MRTFB: variants seen among roughly 807,000 people sequenced by gnomAD.
The protein encoded by MRTFB is myocardin-related transcription factor B.
MRTFB carries 29 observed loss-of-function variants against 104.2 expected under a neutral mutation model. That is an observed-to-expected ratio of 0.28 (90% CI 0.21 to 0.38). MRTFB has a LOEUF of 0.38. Among genes scored for constraint, MRTFB ranks in the 10% least tolerant of loss-of-function variants. The pLI, the probability that MRTFB is intolerant of heterozygous loss-of-function variation, is 1.00. For synonymous variants in MRTFB, 535 were observed against 519.5 expected (o/e 1.03, Z -0.41); for missense variants, 1,270 against 1,341.6 (o/e 0.95, Z 0.83).
intron 2 of MRTFB, among the ~76,000 whole-genome samples, chr16:14,119,035 A>G (rs1345138766): frequency 6.6e-6 from 1 of 152,194 alleles, no homozygotes; most frequent in Non-Finnish European, 1.5e-5. Flanking sequence ...TGTCTCGTGC[A>G]TGTTTGACAG....
At chr16:14,200,466 C>T (rs1346718764) in intron 3 of MRTFB, 1 of 1,610,498 alleles carries the variant, frequency 6.2e-7, no homozygotes, top group East Asian at 2.2e-5. Flanking sequence ...CCAGTAGCAT[C>T]GTTTTTCCAC....
rs1194536066 is a variant in MRTFB, at chr16:14,249,040, T to C, written c.2362T>C (p.Phe788Leu). ...APTVPQTQDT[F>L]PQHVLSQPQQ... is the part of the protein sequence containing the mutation. ...AACTGTACCTCAGACACAAGACACG[T>C]TCCCGCAGCATGTGCTCAGTCAGCC... The change falls in exon 13 of 17, where the codon TTC (phenylalanine) becomes CTC (leucine). Residue 788 changes from phenylalanine (F) to leucine (L), a missense_variant. Phe to Leu is a conservative substitution (Grantham distance 22). Around this residue, in one of 3 missense-constraint regions of MRTFB, gnomAD observed 1,144 missense variants for 1,131.5 expected, o/e 1.01. Transcript: ENST00000571589. The C allele has an allele frequency of 6.2e-7, 1 of 1,614,168 alleles. No individual in the cohort carries two copies. The highest frequency in any genetic ancestry group is 8.5e-7 in the Non-Finnish European group (1 of 1,180,032).
At chr16:14,162,113 C>T (rs1188104822) in intron 3 of MRTFB, among the ~76,000 whole-genome samples, 2 of 115,046 alleles carry the variant, frequency 1.7e-5, no homozygotes, top group Non-Finnish European at 3.3e-5. Context: ...CCCAGAAGTT[C>T]AAGACCAGCC....
intron 15 of MRTFB, 74 bp downstream of exon 15, chr16:14,252,576 C>G (rs1256369984): frequency 1.1e-5 from 17 of 1,495,414 alleles, no homozygotes; most frequent in South Asian, 4.2e-5. Flanking sequence ...CAGACCTATA[C>G]AGAATCCCTT....
intron 3 of MRTFB, chr16:14,200,284 C>T (rs752864027): frequency 1.3e-6 from 2 of 1,572,640 alleles, no homozygotes; most frequent in African/African-American, 2.7e-5. Flanking sequence ...GAGCTAGATT[C>T]TGAGTTCCGA....
intron 2 of MRTFB, among the ~76,000 whole-genome samples, chr16:14,125,545 G>C (rs2037066133): frequency 6.6e-6 from 1 of 152,228 alleles, no homozygotes; most frequent in Non-Finnish European, 1.5e-5. Flanking sequence ...CTCTTCTCTA[G>C]CAAGCACCTC....
chr16:14,024,554 C>A, the MRTFB span, among the ~76,000 whole-genome samples: 2 of 152,174 alleles, frequency 1.3e-5, no homozygotes, highest in Non-Finnish European at 2.9e-5. Context: ...AGTTTCACTT[C>A]TCAGAAAATG....
At chr16:14,203,567 C>G (rs529503441) in intron 3 of MRTFB, among the ~76,000 whole-genome samples, 1 of 151,996 alleles carries the variant, frequency 6.6e-6, no homozygotes, top group African/African-American at 2.4e-5. Flanking sequence ...TTTGGGAGGC[C>G]AACGCGGATG....
chr16:14,251,163 T>G (rs1597379243), intron 13 of MRTFB, among the ~76,000 whole-genome samples: 1 of 151,570 alleles, frequency 6.6e-6, no homozygotes, highest in Non-Finnish European at 1.5e-5. Context: ...GATCACGAGG[T>G]CAGGAGATTG....
In MRTFB at chr16:14,220,871, T is replaced by C. The variant is rs574408440; in HGVS notation, c.693+1873T>C. 7.2e-5 allele frequency among the ~76,000 whole-genome samples: 11 copies of C among 152,322 alleles called. No individual in the cohort carries two copies. In the South Asian group the frequency reaches 1.0e-3, roughly 14 times the overall value. ...CAAGAAAAAAAACCTGGAGTCAGGG[T>C]TGGCTCCACTGTAGCTTTGCCTGTT... On this transcript the variant is annotated intron_variant, in intron 8 of 16. Coordinates refer to ENST00000571589, the MANE Select transcript of MRTFB (RefSeq NM_001308142.2).
intron 6 of MRTFB, among the ~76,000 whole-genome samples, 196 bp from the exon 7 acceptor site, chr16:14,216,930 G>A (rs1037698521): frequency 6.6e-6 from 1 of 152,178 alleles, no homozygotes; most frequent in African/African-American, 2.4e-5. Flanking sequence ...CATAGACAAA[G>A]TAAAGCTATC....
the MRTFB span, among the ~76,000 whole-genome samples, chr16:14,004,806 A>G: frequency 6.6e-6 from 1 of 152,216 alleles, no homozygotes; most frequent in African/African-American, 2.4e-5. Flanking sequence ...AGTCACTGGA[A>G]TTACCTCCAT....
the MRTFB span, among the ~76,000 whole-genome samples, chr16:14,010,249 GTTCTTACAAGGATC>G: frequency 8.5e-5 from 13 of 152,262 alleles, no homozygotes; most frequent in African/African-American, 3.1e-4. Context: ...AGCCTCAACA[GTTCTTACAAGGATC>G]TTCTATTCAT....
rs761924169 is a variant in MRTFB, at chr16:14,251,871, A to G, written c.2413A>G (p.Asn805Asp). The G allele has an allele frequency of 6.2e-7, 1 of 1,613,906 alleles. No individual in the cohort carries two copies. The highest frequency in any genetic ancestry group is 8.5e-7 in the Non-Finnish European group (1 of 1,179,946). ...CATTTATTCATTACAGGTTTTCACA[A>G]ACTCAGCATCATCAAATACAGTTCT... ...QPQQVRKVFT[N>D]SASSNTVLPY... is the part of the protein sequence containing the mutation. The change falls in exon 14 of 17, where the codon AAC becomes GAC. Residue 805 changes from asparagine (N) to aspartate (D), a missense_variant. This residue lies in a region of MRTFB where 1,144 missense variants were observed against 1,131.5 expected (regional missense o/e 1.01). Transcript: ENST00000571589.
At position 14,247,068 on chromosome 16, in the gene MRTFB, A is replaced by C. The variant is rs777308251; in HGVS notation, c.1808A>C (p.Glu603Ala). The change falls in exon 12 of 17, where the codon GAG becomes GCG. Residue 603 changes from glutamate (E) to alanine (A), a missense_variant. Coordinates refer to ENST00000571589, the MANE Select transcript of MRTFB (RefSeq NM_001308142.2). Reference protein sequence around the residue: ...KLVEVLKMQLEVEKRGQQQRP... With the variant: ...KLVEVLKMQLAVEKRGQQQRP... The stretch of plus-strand genomic sequence containing the variant: ...GTGGAAGTGCTGAAAATGCAACTTG[A>C]GGTTGAAAAACGAGGGCAGCAGCAG... 2 of 1,614,176 alleles carry C rather than the reference A, an allele frequency of 1.2e-6. No homozygotes were observed. The highest frequency in any genetic ancestry group is 1.7e-6 in the Non-Finnish European group (2 of 1,180,038).
chr16:14,032,203 G>A, the MRTFB span, among the ~76,000 whole-genome samples: 1 of 152,232 alleles, frequency 6.6e-6, no homozygotes, highest in African/African-American at 2.4e-5. Flanking sequence ...GATATTTGGA[G>A]CTTTCAGCCT....
chr16:14,231,472 C>T (rs988294137), intron 8 of MRTFB, among the ~76,000 whole-genome samples: 22 of 147,722 alleles, frequency 1.5e-4, no homozygotes, highest in African/African-American at 5.1e-4. Context: ...GATGTAGATT[C>T]TTTTGTCACC....
chr16:14,121,174 A>C (rs1789482631), intron 2 of MRTFB, among the ~76,000 whole-genome samples: 1 of 146,756 alleles, frequency 6.8e-6, no homozygotes, highest in African/African-American at 2.5e-5. Context: ...GGTTCTTAGC[A>C]TTGTCATTTT....
intron 3 of MRTFB, among the ~76,000 whole-genome samples, chr16:14,179,898 G>A (rs944323650): frequency 1.3e-5 from 2 of 152,158 alleles, no homozygotes; most frequent in African/African-American, 2.4e-5. Context: ...TTTAACGGCA[G>A]CACGACACCG....
Sources: allele counts gnomAD v4.1 joint callset (sites outside exome capture counted in the v4.1 genomes callset), GRCh38; gene constraint gnomAD v4.1.1; regional missense constraint gnomAD v4.1.1; transcripts MANE v1.5; gene names NCBI Gene and HGNC (gene_info 2026-07-23, HGNC 2026-07-21).